PDZRN4: variants seen among roughly 807,000 people sequenced by gnomAD.
The protein encoded by PDZRN4 is PDZ domain containing ring finger 4, also known as PDZ domain-containing RING finger protein 4.
PDZRN4 carries 70 observed loss-of-function variants against 99.0 expected under a neutral mutation model. The observed-to-expected ratio is 0.71, with a 90% CI of 0.58 to 0.86. The LOEUF is 0.86. Among genes scored for constraint, PDZRN4 ranks in the 40% least tolerant of loss-of-function variants. The pLI is 0.00. For missense variants in PDZRN4, 1,474 were observed against 1,331.2 expected (o/e 1.11, Z -1.67); for synonymous variants, 551 against 501.6 (o/e 1.10, Z -1.32).
chr12:41,467,723 G>C (rs1278069824), intron 3 of PDZRN4, among the ~76,000 whole-genome samples: 5 of 152,186 alleles, frequency 3.3e-5, no homozygotes, highest in Non-Finnish European at 2.9e-5. Flanking sequence ...TGCTAATTTT[G>C]ATCTACTGCC....
At chr12:41,360,478 C>A (rs1359009916) in intron 3 of PDZRN4, among the ~76,000 whole-genome samples, 3 of 151,976 alleles carry the variant, frequency 2.0e-5, no homozygotes, top group African/African-American at 7.2e-5. Flanking sequence ...TCAGTTCCAG[C>A]ATATTTGGGG....
chr12:41,220,649 C>G (rs1332439899), intron 3 of PDZRN4, among the ~76,000 whole-genome samples: 1 of 152,090 alleles, frequency 6.6e-6, no homozygotes, highest in South Asian at 2.1e-4. Context: ...TACAACTAGA[C>G]TCTGGTAAGG....
intron 1 of PDZRN4, 56 bp downstream of exon 1, chr12:41,189,159 C>T: frequency 1.3e-6 from 2 of 1,504,830 alleles, no homozygotes; most frequent in Non-Finnish European, 1.8e-6. Context: ...GGAAAAGGAG[C>T]GGTTCTTTCT....
chr12:41,352,043 G>A (rs1951894069), intron 3 of PDZRN4, among the ~76,000 whole-genome samples: 1 of 147,664 alleles, frequency 6.8e-6, no homozygotes, highest in Non-Finnish European at 1.5e-5. Context: ...AGTAGAGCTG[G>A]GAAATAAATA....
At chr12:41,310,311 C>T (rs1951598466) in intron 3 of PDZRN4, among the ~76,000 whole-genome samples, 2 of 151,990 alleles carry the variant, frequency 1.3e-5, no homozygotes, top group Admixed American at 6.6e-5. Flanking sequence ...CAAAAATTTG[C>T]ACATTATCAA....
At chr12:41,434,295 C>T (rs754040427) in intron 3 of PDZRN4, among the ~76,000 whole-genome samples, 20 of 151,892 alleles carry the variant, frequency 1.3e-4, no homozygotes, top group Non-Finnish European at 2.6e-4. Flanking sequence ...TCTCTGCATT[C>T]GCTGACATTT....
intron 3 of PDZRN4, among the ~76,000 whole-genome samples, chr12:41,476,132 C>T (rs548519817): frequency 1.1e-4 from 16 of 152,026 alleles, no homozygotes; most frequent in Non-Finnish European, 2.2e-4. Context: ...TTTTAGTATC[C>T]CTGTAAGTAC....
intron 5 of PDZRN4, among the ~76,000 whole-genome samples, chr12:41,520,468 GA>G (rs1177869104): frequency 6.6e-6 from 1 of 152,088 alleles, no homozygotes; most frequent in African/African-American, 2.4e-5. Context: ...TCTCGAAAAG[GA>G]TTTAGAACTG....
chr12:41,371,012 T>G (rs1324226163), intron 3 of PDZRN4, among the ~76,000 whole-genome samples: 1 of 151,432 alleles, frequency 6.6e-6, no homozygotes, highest in Non-Finnish European at 1.5e-5. Flanking sequence ...TTTTAGATGA[T>G]TTTCAGTATC....
intron 3 of PDZRN4, among the ~76,000 whole-genome samples, chr12:41,455,735 T>G (rs1350672776): frequency 6.6e-6 from 1 of 152,194 alleles, no homozygotes; most frequent in Non-Finnish European, 1.5e-5. Flanking sequence ...ATACTTCCTG[T>G]TATGTCAGTA....
At chr12:41,250,686 A>C (rs1298811678) in intron 3 of PDZRN4, among the ~76,000 whole-genome samples, 1 of 152,220 alleles carries the variant, frequency 6.6e-6, no homozygotes, top group Non-Finnish European at 1.5e-5. Context: ...TAGATGCCTA[A>C]TGATTTCCTG....
intron 5 of PDZRN4, among the ~76,000 whole-genome samples, chr12:41,540,840 A>G (rs1194154994): frequency 6.6e-6 from 1 of 151,964 alleles, no homozygotes; most frequent in Non-Finnish European, 1.5e-5. Flanking sequence ...CTGCAGCCCT[A>G]CAGCCCCAAG....
At chr12:41,507,947 A>G (rs1479236158) in intron 4 of PDZRN4, among the ~76,000 whole-genome samples, 1 of 152,140 alleles carries the variant, frequency 6.6e-6, no homozygotes, top group African/African-American at 2.4e-5. Flanking sequence ...GGAAACAAAT[A>G]TATAATATTC....
At chr12:41,499,295 A>G (rs903789803) in intron 3 of PDZRN4, among the ~76,000 whole-genome samples, 10 of 152,130 alleles carry the variant, frequency 6.6e-5, no homozygotes, top group African/African-American at 2.2e-4. Context: ...TCTGAAAGAC[A>G]AACCAAAGAC....
At chr12:41,362,608 A>G (rs1951972150) in intron 3 of PDZRN4, among the ~76,000 whole-genome samples, 1 of 152,056 alleles carries the variant, frequency 6.6e-6, no homozygotes, top group South Asian at 2.1e-4. Flanking sequence ...TTCAAATGAA[A>G]GAAGCAAACT....
At chr12:41,498,344 G>A (rs1443618348) in intron 3 of PDZRN4, among the ~76,000 whole-genome samples, 1 of 152,108 alleles carries the variant, frequency 6.6e-6, no homozygotes, top group Non-Finnish European at 1.5e-5. Flanking sequence ...TTTGCTTTCT[G>A]CTGCTGTAAC....
At chr12:41,435,236 G>A (rs1952618111) in intron 3 of PDZRN4, among the ~76,000 whole-genome samples, 1 of 152,146 alleles carries the variant, frequency 6.6e-6, no homozygotes, top group Non-Finnish European at 1.5e-5. Flanking sequence ...TCCCTAGAAT[G>A]TTCATTCTAT....
At position 41,494,068 on chromosome 12, in the gene PDZRN4, G is replaced by A. The variant is rs1027219931; in HGVS notation, c.844-12388G>A. Reference sequence around the variant, plus strand: ...ACATTTTTATTTTCATTTTGCAACTGGAGTTTCCTTGTCCTGGGAACATAA... The same window carrying A: ...ACATTTTTATTTTCATTTTGCAACTAGAGTTTCCTTGTCCTGGGAACATAA... On this transcript the variant is annotated intron_variant, in intron 3 of 9. Coordinates refer to ENST00000402685, the MANE Select transcript of PDZRN4 (RefSeq NM_001164595.2). 4.0e-5 allele frequency among the ~76,000 whole-genome samples: 6 copies of A among 150,676 alleles called. No homozygotes were observed. In the East Asian group the frequency reaches 1.2e-3, roughly 29 times the overall value.
intron 3 of PDZRN4, among the ~76,000 whole-genome samples, chr12:41,476,090 C>T (rs1419009104): frequency 2.6e-5 from 4 of 152,150 alleles, no homozygotes; most frequent in South Asian, 2.1e-4. Flanking sequence ...GACTGACAGC[C>T]TTTGAGATCC....
Sources: gnomAD v4.1 joint callset for allele counts (sites outside exome capture counted in the v4.1 genomes callset) on GRCh38, gnomAD v4.1.1 for gene constraint, MANE v1.5 for transcripts, NCBI Gene and HGNC (gene_info 2026-07-23, HGNC 2026-07-21) for gene names.